The following TANGO6 variants were observed in gnomAD, a reference collection of about 807,000 sequenced individuals.
The protein encoded by TANGO6 is transport and Golgi organization protein 6 homolog.
TANGO6 carries 90 observed loss-of-function variants against 114.2 expected under a neutral mutation model. The ratio of observed to expected loss-of-function variants is 0.79; its 90% confidence interval spans 0.66 to 0.94. TANGO6 has a LOEUF of 0.94. Ranked by LOEUF, TANGO6 falls within the 40% of genes least tolerant of loss-of-function variation. TANGO6 has a pLI of 0.00. For synonymous variants in TANGO6, 477 were observed against 509.8 expected, an observed-to-expected ratio of 0.94 and a Z score of 0.87; for missense variants, 1,274 against 1,315.3, an observed-to-expected ratio of 0.97 and a Z score of 0.49.
chr16:68,983,308 A>T (rs1292914793), intron 15 of TANGO6, among the ~76,000 whole-genome samples: 2 of 152,194 alleles, frequency 1.3e-5, no homozygotes, highest in Non-Finnish European at 2.9e-5. Flanking sequence ...TTTCTAAGTC[A>T]TATAAATTCC....
chr16:69,021,047 A>G (rs1201853039), intron 15 of TANGO6, among the ~76,000 whole-genome samples: 5 of 152,070 alleles, frequency 3.3e-5, no homozygotes, highest in Non-Finnish European at 5.9e-5. Context: ...CACCCTGGAC[A>G]TACATGGTAC....
At chr16:69,030,410 T>G (rs1406111642) in intron 16 of TANGO6, among the ~76,000 whole-genome samples, 1 of 151,572 alleles carries the variant, frequency 6.6e-6, no homozygotes, top group Non-Finnish European at 1.5e-5. Flanking sequence ...AGAGAACAAG[T>G]AGAAATTAAG....
At position 69,069,131 on chromosome 16, in the gene TANGO6, G is replaced by A. The variant is rs189972470; in HGVS notation, c.3109-14354G>A. Among the ~76,000 whole-genome samples the A allele has an allele frequency of 5.4e-3, 826 of 152,290 alleles. 23 individuals are homozygous for A. The highest frequency in any genetic ancestry group is 1.8e-3 in the Admixed American group (27 of 15,282). On this transcript the variant is annotated intron_variant, in intron 17 of 17. Coordinates refer to ENST00000261778, the MANE Select transcript of TANGO6 (RefSeq NM_024562.2). ...CCTAGAAGTGAAGTAGTTTGTTCAA[G>A]ATTCCCTAGCTAATAATTGGGAGCT...
At chr16:68,997,828 C>T (rs185285264) in intron 15 of TANGO6, among the ~76,000 whole-genome samples, 1 of 152,140 alleles carries the variant, frequency 6.6e-6, no homozygotes, top group African/African-American at 2.4e-5. Flanking sequence ...CAAGGGCACC[C>T]TTAATCCTAA....
intron 15 of TANGO6, among the ~76,000 whole-genome samples, chr16:68,991,288 A>G (rs1350233173): frequency 2.0e-5 from 3 of 152,138 alleles, no homozygotes; most frequent in Admixed American, 2.0e-4. Context: ...ATGTATAGGT[A>G]TGTGGTTGGC....
intron 14 of TANGO6, among the ~76,000 whole-genome samples, chr16:68,949,373 C>T (rs973486456): frequency 2.6e-5 from 4 of 152,156 alleles, no homozygotes; most frequent in Non-Finnish European, 5.9e-5. Context: ...GTAATCCCAG[C>T]ACTTTGGGAG....
At chr16:68,900,289 C>G in intron 7 of TANGO6, 145 bp from the exon 8 acceptor site, 1 of 648,228 alleles carries the variant, frequency 1.5e-6, no homozygotes, top group South Asian at 2.0e-5. Flanking sequence ...ATTGCCATAT[C>G]TGAGCACATC....
intron 14 of TANGO6, among the ~76,000 whole-genome samples, chr16:68,943,398 C>G (rs922751483): frequency 4.1e-5 from 6 of 146,278 alleles, no homozygotes; most frequent in African/African-American, 1.5e-4. Context: ...GAGTCTCGCT[C>G]TGTCACCCAG....
At chr16:69,053,249 AAT>A (rs905789054) in intron 17 of TANGO6, among the ~76,000 whole-genome samples, 1 of 152,024 alleles carries the variant, frequency 6.6e-6, no homozygotes, top group Admixed American at 6.6e-5. Context: ...TGCTCTCACA[AAT>A]ATATATATTC....
intron 17 of TANGO6, among the ~76,000 whole-genome samples, chr16:69,076,216 C>T (rs1352565115): frequency 6.7e-6 from 1 of 149,098 alleles, no homozygotes; most frequent in South Asian, 2.1e-4. Context: ...CTCAGCCTTC[C>T]GAGTAGCTGG....
Position 68,859,931 on chromosome 16 carries a change from G to A in TANGO6, c.142G>A (p.Ala48Thr). Residue 48 changes from alanine (A) to threonine (T), a missense_variant, in exon 2 of 18, where the codon GCT (alanine) becomes ACT (threonine). Physicochemically the swap from Ala to Thr is moderately conservative, Grantham distance 58. Coordinates refer to ENST00000261778, the MANE Select transcript of TANGO6 (RefSeq NM_024562.2). ...GGTCACAAAACATGATGTCTTGTTG[G>A]CTACTTTAAAATCTAACCTGTCTGC... The part of the protein sequence containing the change: ...LQVTKHDVLL[A>T]TLKSNLSALE... 6.2e-7 allele frequency: 1 copy of A among 1,605,608 alleles called. No homozygotes were observed. Among genetic ancestry groups the A allele is most frequent in the Non-Finnish European group, 8.5e-7 (1 of 1,175,010 alleles).
intron 17 of TANGO6, among the ~76,000 whole-genome samples, chr16:69,067,432 C>A: frequency 6.7e-6 from 1 of 149,298 alleles, no homozygotes; most frequent in South Asian, 2.1e-4. Context: ...ATCGCTTGAA[C>A]CTGGAGACCT....
intron 14 of TANGO6, chr16:68,934,041 A>AT (rs765471686): frequency 0.027 from 3,774 of 139,864 alleles, 116 homozygotes; most frequent in African/African-American, 0.079. Context: ...GAATTCTGGA[A>AT]TTTTTTTTTT....
chr16:68,892,362 T>A lies in TANGO6; in HGVS notation c.1378-8072T>A, dbSNP rs553322893. The stretch of plus-strand genomic sequence containing the variant: ...GTGCAATTAGGAAGAAATGTGGAAA[T>A]CCCCAGACTGCCACTGGGGTTGTTG... On this transcript the variant is annotated intron_variant, in intron 7 of 17. Transcript: ENST00000261778. Among the ~76,000 whole-genome samples the A allele has an allele frequency of 3.3e-5, 5 of 152,266 alleles. No homozygotes were observed. The South Asian group carries it at 1.0e-3, about 32-fold the overall frequency.
rs774133386 is a variant in TANGO6 at position 68,860,291 on chromosome 16, C to T, written c.502C>T (p.Pro168Ser). 6.2e-7 allele frequency: 1 copy of T among 1,613,806 alleles called. No individual in the cohort carries two copies. The highest frequency in any genetic ancestry group is 8.5e-7 in the Non-Finnish European group (1 of 1,179,868). The change falls in exon 2 of 18, where the codon CCT becomes TCT. Residue 168 changes from proline (P) to serine (S), a missense_variant. This residue lies in a region of TANGO6 where 908 missense variants were observed against 910.2 expected (regional missense o/e 1.00). Transcript: ENST00000261778. ...CTATCTCATGCCTGGTGTTGGAGTCCCTTTGAGATATAGAACTGAATTTGG... is the reference window on the plus strand; with the variant it reads ...CTATCTCATGCCTGGTGTTGGAGTCTCTTTGAGATATAGAACTGAATTTGG... ...CPYLMPGVGVPLRYRTEFGAV... is the reference protein window; with the variant it reads ...CPYLMPGVGVSLRYRTEFGAV...
At chr16:68,844,985 T>G (rs75592003) in intron 1 of TANGO6, among the ~76,000 whole-genome samples, 1 of 151,148 alleles carries the variant, frequency 6.6e-6, no homozygotes, top group African/African-American at 2.4e-5. Flanking sequence ...TTTTTTTTTT[T>G]GAGATGAGGT....
intron 3 of TANGO6, 104 bp from the exon 4 acceptor site, chr16:68,866,975 C>CTTTTTT (rs536677611): frequency 2.6e-5 from 6 of 227,468 alleles, no homozygotes; most frequent in Non-Finnish European, 3.2e-5. Context: ...GCTATTTCTC[C>CTTTTTT]TTTTTTTTTT....
intron 12 of TANGO6, among the ~76,000 whole-genome samples, chr16:68,927,362 AC>A (rs1187238706): frequency 6.6e-6 from 1 of 152,184 alleles, no homozygotes; most frequent in Non-Finnish European, 1.5e-5. Context: ...TTAGAAAAGA[AC>A]CTGTATATGA....
intron 1 of TANGO6, among the ~76,000 whole-genome samples, chr16:68,856,928 T>C (rs1962004993): frequency 6.6e-6 from 1 of 152,010 alleles, no homozygotes; most frequent in South Asian, 2.1e-4. Flanking sequence ...GCTAACACGG[T>C]GAAACCCCAT....
Sources: allele counts gnomAD v4.1 joint callset (sites outside exome capture counted in the v4.1 genomes callset), GRCh38; gene constraint gnomAD v4.1.1; regional missense constraint gnomAD v4.1.1; transcripts MANE v1.5; gene names NCBI Gene and HGNC (gene_info 2026-07-23, HGNC 2026-07-21).